Variants in TYW1B observed in about 807,000 individuals in gnomAD.
TYW1B encodes the protein S-adenosyl-L-methionine-dependent tRNA 4-demethylwyosine synthase TYW1B.
TYW1B carries 73 observed loss-of-function variants against 86.9 expected under a neutral mutation model. That is an observed-to-expected ratio of 0.84 (90% CI 0.70 to 1.02). The LOEUF is 1.02. TYW1B is among the 50% of genes least tolerant of loss of function. The probability of loss-of-function intolerance (pLI) is 0.00; values close to 1 mark genes in which losing one functional copy is unlikely to be tolerated. For synonymous variants in TYW1B, 248 were observed against 292.8 expected, an observed-to-expected ratio of 0.85 and a Z score of 1.56; for missense variants, 637 against 827.4, an observed-to-expected ratio of 0.77 and a Z score of 2.82.
At chr7:72,709,174 GTTC>G (rs1814683075) in intron 10 of TYW1B, among the ~76,000 whole-genome samples, 1 of 152,126 alleles carries the variant, frequency 6.6e-6, no homozygotes, top group Non-Finnish European at 1.5e-5. Context: ...ACTTGCTTTT[GTTC>G]TTCTCTTTCT....
At chr7:72,671,397 G>C (rs1418027828) in intron 11 of TYW1B, among the ~76,000 whole-genome samples, 1 of 152,106 alleles carries the variant, frequency 6.6e-6, no homozygotes, top group East Asian at 1.9e-4. Flanking sequence ...TGGATAGTTT[G>C]CTTCTAATCT....
chr7:72,719,089 A>G (rs1324838535), intron 9 of TYW1B, among the ~76,000 whole-genome samples: 1 of 151,256 alleles, frequency 6.6e-6, no homozygotes, highest in Non-Finnish European at 1.5e-5. Context: ...GCACATACAC[A>G]TGCAAAACAT....
chr7:72,672,215 T>C (rs1813623841), intron 11 of TYW1B, among the ~76,000 whole-genome samples: 1 of 152,074 alleles, frequency 6.6e-6, no homozygotes, highest in Non-Finnish European at 1.5e-5. Flanking sequence ...TCCATCATGA[T>C]TGGGAGGCTT....
intron 13 of TYW1B, among the ~76,000 whole-genome samples, chr7:72,608,403 G>A (rs775824452): frequency 1.3e-5 from 2 of 152,122 alleles, no homozygotes; most frequent in Non-Finnish European, 2.9e-5. Flanking sequence ...AGCAAGGGAG[G>A]GAAAAGAGAT....
chr7:72,823,945 TG>T (rs1330705483), intron 2 of TYW1B, among the ~76,000 whole-genome samples: 4 of 152,140 alleles, frequency 2.6e-5, no homozygotes, highest in Non-Finnish European at 4.4e-5. Flanking sequence ...AGTATTCGTT[TG>T]ATCTTTTTGA....
intron 9 of TYW1B, chr7:72,722,911 T>G (rs1786930449): frequency 2.8e-6 from 2 of 709,328 alleles, no homozygotes; most frequent in Non-Finnish European, 5.2e-6. Flanking sequence ...ACCTTCCACC[T>G]GCAGTGGAGT....
chr7:72,616,802 A>G lies in TYW1B; in HGVS notation c.1655T>C (p.Leu552Pro). 1 of 1,614,216 alleles carries G rather than the reference A, an allele frequency of 6.2e-7. No homozygotes were observed. Among genetic ancestry groups the G allele is most frequent in the South Asian group, 1.1e-5 (1 of 91,086 alleles). ...ATGCCAGGGCACATGGGCCATGGTA[A>G]GACTGCTTGCTGAACTTTCTCTGCA... ...TYCRESSASS[L>P]TMAHVPWHEE... The change falls in exon 13 of 14, where the codon CTT becomes CCT. Residue 552 changes from leucine to proline, a missense_variant. Leu to Pro is a moderately conservative substitution (Grantham distance 98). Transcript: ENST00000620995.
At chr7:72,815,638 G>A (rs1460558669) in intron 2 of TYW1B, among the ~76,000 whole-genome samples, 157 bp from the exon 3 acceptor site, 1 of 151,990 alleles carries the variant, frequency 6.6e-6, no homozygotes, top group Non-Finnish European at 1.5e-5. Flanking sequence ...CCATTTTCTT[G>A]GGCACCATTA....
intron 5 of TYW1B, among the ~76,000 whole-genome samples, chr7:72,806,296 CG>C (rs1342931903): frequency 6.7e-6 from 1 of 148,552 alleles, no homozygotes; most frequent in African/African-American, 2.5e-5. Context: ...AGTGCAGTCG[CG>C]TGATCTCAGA....
intron 6 of TYW1B, among the ~76,000 whole-genome samples, chr7:72,789,308 A>AT (rs1433693510): frequency 2.0e-5 from 3 of 150,418 alleles, no homozygotes; most frequent in African/African-American, 7.3e-5. Flanking sequence ...TAATTTTTAT[A>AT]TTTTTTTAGT....
At chr7:72,678,129 C>T (rs1316615378) in intron 11 of TYW1B, among the ~76,000 whole-genome samples, 1 of 152,158 alleles carries the variant, frequency 6.6e-6, no homozygotes, top group African/African-American at 2.4e-5. Flanking sequence ...ATGCATACTA[C>T]AGGCAAAGCA....
At chr7:72,688,822 A>AT (rs1235266762) in intron 11 of TYW1B, among the ~76,000 whole-genome samples, 11 of 152,210 alleles carry the variant, frequency 7.2e-5, no homozygotes, top group African/African-American at 2.7e-4. Flanking sequence ...ATACACTTAC[A>AT]TTTCTCTAAA....
At chr7:72,743,525 T>C (rs11971595) in intron 8 of TYW1B, among the ~76,000 whole-genome samples, 104,916 of 151,904 alleles carry the variant, frequency 0.69, 37,190 homozygotes, top group Non-Finnish European at 0.77. Context: ...AGTTGAAGAG[T>C]AAGCAGTTGT....
chr7:72,802,394 T>C lies in TYW1B; in HGVS notation c.846+6A>G, dbSNP rs536256924. ...CCAAGTGCAACATTTCCCAAAGTAA[T>C]GGTACCTTTTCTTTCTTCACGTGAT... On this transcript the variant is annotated splice_donor_region_variant and intron_variant, in intron 6 of 13. Coordinates refer to ENST00000620995, the MANE Select transcript of TYW1B (RefSeq NM_001145440.3). The C allele has an allele frequency of 7.5e-4, 1,205 of 1,613,598 alleles. 11 individuals carry two copies. The African/African-American group carries it at 0.014, about 19-fold the overall frequency.
intron 11 of TYW1B, among the ~76,000 whole-genome samples, chr7:72,641,421 T>A (rs1812797268): frequency 6.6e-6 from 1 of 152,134 alleles, no homozygotes; most frequent in Non-Finnish European, 1.5e-5. Flanking sequence ...GAAAAAGACA[T>A]CACCAGAAAA....
At chr7:72,754,805 A>G (rs1030471435) in intron 7 of TYW1B, among the ~76,000 whole-genome samples, 3 of 152,132 alleles carry the variant, frequency 2.0e-5, no homozygotes, top group Admixed American at 6.6e-5. Context: ...GCTTCCTGAC[A>G]CCTTCTAATG....
At chr7:72,755,849 TGGCAGA>T (rs1404711448) in intron 7 of TYW1B, among the ~76,000 whole-genome samples, 1 of 152,230 alleles carries the variant, frequency 6.6e-6, no homozygotes, top group Non-Finnish European at 1.5e-5. Flanking sequence ...ATTTTGACAA[TGGCAGA>T]GGCCAAGAAT....
chr7:72,769,557 A>G (rs1304998441), intron 7 of TYW1B, among the ~76,000 whole-genome samples: 1 of 152,228 alleles, frequency 6.6e-6, no homozygotes. Flanking sequence ...GAAAAATATG[A>G]TATAGTGAAC....
chr7:72,574,941 A>G lies in TYW1B; in HGVS notation c.*557T>C. 2.0e-6 allele frequency: 2 copies of G among 986,730 alleles called. No individual in the cohort carries two copies. The highest frequency in any genetic ancestry group is 2.4e-6 in the Non-Finnish European group (2 of 830,848). The allele number at this position is 986,730 out of a possible 1,614,324, so 61.1% of individuals were successfully genotyped here. A position where few individuals can be genotyped will look rare whatever the true frequency, so the allele number is the denominator to read the frequency against. ...TGGGAAGGGTTAGTAATAAACCAAA[A>G]CTCAATCTATGCAGTATTTAAAAAA... On this transcript the variant is annotated 3_prime_UTR_variant, in exon 14 of 14. Coordinates refer to ENST00000620995, the MANE Select transcript of TYW1B (RefSeq NM_001145440.3).
Sources: allele counts gnomAD v4.1 joint callset (sites outside exome capture counted in the v4.1 genomes callset), GRCh38; gene constraint gnomAD v4.1.1; transcripts MANE v1.5; gene names NCBI Gene and HGNC (gene_info 2026-07-23, HGNC 2026-07-21).